DLC1: variants seen among roughly 807,000 people sequenced by gnomAD.
DLC1 encodes rho GTPase-activating protein 7.
In DLC1, 54 loss-of-function variants were observed where a neutral mutation model predicts 140.3. That is an observed-to-expected ratio of 0.38 (90% CI 0.31 to 0.48). DLC1 has a LOEUF of 0.48. Ranked by LOEUF, DLC1 falls within the 20% of genes least tolerant of loss-of-function variation. The pLI, the probability that DLC1 is intolerant of heterozygous loss-of-function variation, is 0.96. For missense variants in DLC1, 2,536 were observed against 1,907.0 expected, an observed-to-expected ratio of 1.33 and a Z score of -6.14; for synonymous variants, 986 against 728.1, an observed-to-expected ratio of 1.35 and a Z score of -5.70.
intron 3 of DLC1, among the ~76,000 whole-genome samples, chr8:13,397,562 C>G (rs2117234815): frequency 6.6e-6 from 1 of 152,108 alleles, no homozygotes; most frequent in Middle Eastern, 3.4e-3. Context: ...GGTATGATGA[C>G]TCATGCCTGT....
intron 4 of DLC1, among the ~76,000 whole-genome samples, chr8:13,326,323 C>T (rs1833345576): frequency 6.6e-6 from 1 of 152,204 alleles, no homozygotes; most frequent in African/African-American, 2.4e-5. Context: ...GCATTTATAG[C>T]ATAGACCTAT....
At chr8:13,491,097 A>G (rs917336768) in intron 2 of DLC1, among the ~76,000 whole-genome samples, 1 of 147,760 alleles carries the variant, frequency 6.8e-6, no homozygotes, top group East Asian at 1.9e-4. Flanking sequence ...TTCAAATTTA[A>G]TATTTTTTAT....
At chr8:13,287,405 T>C (rs1248784765) in intron 5 of DLC1, among the ~76,000 whole-genome samples, 1 of 152,232 alleles carries the variant, frequency 6.6e-6, no homozygotes, top group East Asian at 1.9e-4. Flanking sequence ...TACTTTATTT[T>C]CATTATATTT....
At chr8:13,284,491 C>A (rs746432547) in intron 5 of DLC1, among the ~76,000 whole-genome samples, 1 of 152,036 alleles carries the variant, frequency 6.6e-6, no homozygotes, top group Non-Finnish European at 1.5e-5. Flanking sequence ...CGCGCCATTG[C>A]ACTCCAGCCT....
At chr8:13,562,118 A>G in intron 1 of DLC1, among the ~76,000 whole-genome samples, 1 of 152,140 alleles carries the variant, frequency 6.6e-6, no homozygotes, top group East Asian at 1.9e-4. Flanking sequence ...AAATTCACAG[A>G]GCTGTACACT....
intron 5 of DLC1, among the ~76,000 whole-genome samples, chr8:13,213,856 T>G (rs1365971613): frequency 6.6e-6 from 1 of 152,020 alleles, no homozygotes; most frequent in South Asian, 2.1e-4. Flanking sequence ...TGATCTCAGT[T>G]CACTGCAACC....
At position 13,520,392 on chromosome 8, in the gene DLC1, A is replaced by C. The variant is rs186753877; in HGVS notation, c.-125-20196T>G. On this transcript the variant is annotated intron_variant, in intron 1 of 1. Transcript: ENST00000631382. ...ACAAGATCAGAAAACCAAATACCGC[A>C]TGTTCTCACCCATAAGTGGGAGTTG... is the stretch of plus-strand genomic sequence containing the variant. Among the ~76,000 whole-genome samples the C allele has an allele frequency of 1.4e-4, 22 of 152,178 alleles. No individual in the cohort carries two copies. In the East Asian group the frequency reaches 3.9e-3, roughly 27 times the overall value.
chr8:13,542,090 A>G (rs1304230680), intron 1 of DLC1, among the ~76,000 whole-genome samples: 1 of 152,000 alleles, frequency 6.6e-6, no homozygotes, highest in Non-Finnish European at 1.5e-5. Context: ...AACATTTTTT[A>G]TCTTTTTCGG....
chr8:13,525,504 A>G (rs1257219517), intron 1 of DLC1, among the ~76,000 whole-genome samples: 1 of 152,176 alleles, frequency 6.6e-6, no homozygotes, highest in East Asian at 1.9e-4. Flanking sequence ...AGTTGGTATG[A>G]TGAGTCTTTT....
At chr8:13,604,419 T>G (rs919887543) in intron 1 of DLC1, 2 of 152,198 alleles carry the variant, frequency 1.3e-5, no homozygotes, top group Non-Finnish European at 2.9e-5. Flanking sequence ...ATTTCATGAA[T>G]AAAATATGTG....
intron 2 of DLC1, among the ~76,000 whole-genome samples, chr8:13,427,173 C>A (rs1838629219): frequency 6.6e-6 from 1 of 152,134 alleles, no homozygotes; most frequent in Non-Finnish European, 1.5e-5. Context: ...AATTCCATGC[C>A]CCACTGTACG....
upstream of DLC1, among the ~76,000 whole-genome samples, chr8:13,516,728 A>G (rs376007034): frequency 2.6e-4 from 39 of 152,362 alleles, no homozygotes; most frequent in East Asian, 4.4e-3. Context: ...CTGTTCTTCC[A>G]TAAATTCTTT....
At chr8:13,124,924 G>A (rs778128089) in intron 5 of DLC1, among the ~76,000 whole-genome samples, 1 of 151,902 alleles carries the variant, frequency 6.6e-6, no homozygotes, top group Non-Finnish European at 1.5e-5. Context: ...GTAAATTTAC[G>A]AAAGTTTTAA....
At chr8:13,444,150 T>C (rs1375736304) in intron 2 of DLC1, among the ~76,000 whole-genome samples, 1 of 152,058 alleles carries the variant, frequency 6.6e-6, no homozygotes, top group Non-Finnish European at 1.5e-5. Context: ...GTAGGTTCTG[T>C]ATATTAGCCC....
At chr8:13,552,111 G>GTGTGTATATATA (rs1279225632) in intron 1 of DLC1, among the ~76,000 whole-genome samples, 10 of 54,530 alleles carry the variant, frequency 1.8e-4, no homozygotes, top group African/African-American at 5.3e-4. Context: ...GTCTAGAGGT[G>GTGTGTATATATA]TATATATATA....
chr8:13,454,143 G>T (rs561578540), intron 2 of DLC1, among the ~76,000 whole-genome samples: 1 of 152,188 alleles, frequency 6.6e-6, no homozygotes, highest in East Asian at 1.9e-4. Flanking sequence ...AATTTGGCTT[G>T]TTCATGTAGT....
intron 1 of DLC1, among the ~76,000 whole-genome samples, chr8:13,581,920 G>A (rs558057006): frequency 6.6e-6 from 1 of 152,066 alleles, no homozygotes; most frequent in South Asian, 2.1e-4. Flanking sequence ...AAGGCAGCTA[G>A]GAAAAAAAAT....
chr8:13,128,539 A>C (rs1195524027), intron 5 of DLC1, among the ~76,000 whole-genome samples: 5 of 152,184 alleles, frequency 3.3e-5, no homozygotes, highest in Admixed American at 3.3e-4. Context: ...ACACTAAGAA[A>C]ACATATGGGC....
At position 13,393,550 on chromosome 8, in the gene DLC1, C is replaced by T. The variant is rs1836862907; in HGVS notation, c.1314+3G>A. The T allele has an allele frequency of 6.2e-7, 1 of 1,613,308 alleles. No homozygotes were observed. The highest frequency in any genetic ancestry group is 8.5e-7 in the Non-Finnish European group (1 of 1,179,620). On this transcript the variant is annotated splice_donor_region_variant and intron_variant, in intron 4 of 17. Transcript: ENST00000276297. ...AGACTCTCTGTTATTATTTAGAACTCACCGTAGTCTTGGGTTTGGTTCCAG... is the reference window on the plus strand; with the variant it reads ...AGACTCTCTGTTATTATTTAGAACTTACCGTAGTCTTGGGTTTGGTTCCAG...
Sources: gnomAD v4.1 joint callset for allele counts (sites outside exome capture counted in the v4.1 genomes callset) on GRCh38, gnomAD v4.1.1 for gene constraint, MANE v1.5 for transcripts, NCBI Gene and HGNC (gene_info 2026-07-23, HGNC 2026-07-21) for gene names.